The following ATP9B variants were observed in gnomAD, a reference collection of about 807,000 sequenced individuals.
ATP9B encodes probable phospholipid-transporting ATPase IIB.
ATP9B carries 110 observed loss-of-function variants against 146.1 expected under a neutral mutation model. The observed-to-expected ratio is 0.75, with a 90% confidence interval of 0.65 to 0.88. The LOEUF is 0.88. Among genes scored for constraint, ATP9B ranks in the 40% least tolerant of loss-of-function variants. ATP9B has a pLI of 0.00. For synonymous variants in ATP9B, 604 were observed against 569.7 expected (o/e 1.06, Z -0.86); for missense variants, 1,499 against 1,496.4 (o/e 1.00, Z -0.03).
At chr18:79,206,458 A>G (rs2095534481) in intron 9 of ATP9B, among the ~76,000 whole-genome samples, 1 of 151,960 alleles carries the variant, frequency 6.6e-6, no homozygotes, top group Non-Finnish European at 1.5e-5. Flanking sequence ...CTGTGCTAAT[A>G]TTTTCTACTT....
chr18:79,269,315 G>GT (rs1270951692), intron 12 of ATP9B, among the ~76,000 whole-genome samples: 1 of 152,108 alleles, frequency 6.6e-6, no homozygotes, highest in Admixed American at 6.5e-5. Flanking sequence ...GCTTCATTTT[G>GT]TATCATCCTC....
chr18:79,238,377 C>T (rs2095860829), intron 11 of ATP9B, among the ~76,000 whole-genome samples: 1 of 152,076 alleles, frequency 6.6e-6, no homozygotes, highest in East Asian at 1.9e-4. Context: ...TGATTGTGGG[C>T]ATCACGTCTC....
chr18:79,152,311 T>C (rs1357685173), intron 6 of ATP9B, among the ~76,000 whole-genome samples: 1 of 152,238 alleles, frequency 6.6e-6, no homozygotes, highest in Non-Finnish European at 1.5e-5. Context: ...ATTTTGTGTG[T>C]GTCTGTCTTT....
rs141891421 is a variant in ATP9B, at chr18:79,124,552, AT to A, written c.559-1714del. Among the ~76,000 whole-genome samples the A allele has an allele frequency of 3.7e-3, 562 of 152,294 alleles. 3 individuals are homozygous for A. Among genetic ancestry groups the A allele is most frequent in the South Asian group, 0.024 (117 of 4,830 alleles). Reference sequence around the variant, plus strand: ...CCTTGAGTCCAAGAGTGGCTTTAGGATACTTCTCAAAACAGTGCTTCCAACA... The same window carrying A: ...CCTTGAGTCCAAGAGTGGCTTTAGGAACTTCTCAAAACAGTGCTTCCAACA... On this transcript the variant is annotated intron_variant, in intron 4 of 29. Transcript: ENST00000426216.
chr18:79,118,026 C>A (rs2094118335), intron 4 of ATP9B: 1 of 152,188 alleles, frequency 6.6e-6, no homozygotes, highest in African/African-American at 2.4e-5. Context: ...TCCATATCAA[C>A]ACATATATCT....
In ATP9B at chr18:79,342,261, TC is replaced by T; in HGVS notation, c.2284-4del. ...GTTGAAATTCACCAGTTTAAATTGT[TC>T]CCTAGATATGGATGCTAACAGGCGA... On this transcript the variant is annotated splice_region_variant and splice_polypyrimidine_tract_variant and intron_variant, in intron 19 of 29. Transcript: ENST00000426216. 6.2e-7 allele frequency: 1 copy of T among 1,605,208 alleles called. No homozygotes were observed. Among genetic ancestry groups the T allele is most frequent in the Non-Finnish European group, 8.5e-7 (1 of 1,172,316 alleles).
chr18:79,342,587 T>C (rs1185194920), intron 20 of ATP9B, among the ~76,000 whole-genome samples: 2 of 150,756 alleles, frequency 1.3e-5, no homozygotes, highest in African/African-American at 4.9e-5. Context: ...TTAAGTATAA[T>C]AATAAAAAAT....
chr18:79,216,842 T>C (rs2095631344), intron 11 of ATP9B, among the ~76,000 whole-genome samples: 1 of 152,254 alleles, frequency 6.6e-6, no homozygotes, highest in South Asian at 2.1e-4. Flanking sequence ...CTGCTTACCA[T>C]GTTAGCTTTT....
At chr18:79,126,061 T>G (rs564614138) in intron 4 of ATP9B, among the ~76,000 whole-genome samples, 1 of 152,296 alleles carries the variant, frequency 6.6e-6, no homozygotes, top group African/African-American at 2.4e-5. Context: ...ATTAAAAATT[T>G]GGGGAGTATA....
chr18:79,351,352 T>C (rs142631351), intron 25 of ATP9B, among the ~76,000 whole-genome samples: 3 of 152,316 alleles, frequency 2.0e-5, no homozygotes, highest in South Asian at 4.1e-4. Context: ...TTCTTTATAA[T>C]GGGCTTCATG....
At chr18:79,369,796 T>C (rs1240464696) in intron 26 of ATP9B, among the ~76,000 whole-genome samples, 2 of 152,000 alleles carry the variant, frequency 1.3e-5, no homozygotes, top group Non-Finnish European at 2.9e-5. Flanking sequence ...GGTTAATCTT[T>C]CCTTAAAATT....
Position 79,337,071 on chromosome 18 carries a change from CGG to C in ATP9B, c.2113-207_2113-206del, listed in dbSNP as rs200025143. On this transcript the variant is annotated intron_variant, in intron 18 of 29. Transcript: ENST00000426216. Reference sequence around the variant, plus strand: ...TGTCCAGCTCTGTGGAGTACACACACGGAGCACGTACACGTGTGCACACAGGC... The same window carrying C: ...TGTCCAGCTCTGTGGAGTACACACACAGCACGTACACGTGTGCACACAGGC... Among the ~76,000 whole-genome samples, 368 of 144,804 alleles carry C rather than the reference CGG, an allele frequency of 2.5e-3. 1 individual carries two copies. Among genetic ancestry groups the C allele is most frequent in the South Asian group, 7.2e-3 (32 of 4,466 alleles). 95.0% of individuals were successfully genotyped at this position (144,804 alleles called of 152,430 possible). A position where few individuals can be genotyped will look rare whatever the true frequency, so the allele number is the denominator to read the frequency against.
At chr18:79,375,764 G>T (rs1246870368) in intron 29 of ATP9B, 1 of 985,290 alleles carries the variant, frequency 1.0e-6, no homozygotes. Context: ...CAGAAAATGA[G>T]TACACACAAA....
At chr18:79,337,637 C>T (rs1169010346) in intron 19 of ATP9B, among the ~76,000 whole-genome samples, 188 bp downstream of exon 19, 11 of 152,184 alleles carry the variant, frequency 7.2e-5, no homozygotes, top group Admixed American at 5.2e-4. Flanking sequence ...CAAATCCCCA[C>T]GCCACCCCTA....
At chr18:79,173,661 T>G in intron 7 of ATP9B, 1 of 454,566 alleles carries the variant, frequency 2.2e-6, no homozygotes, top group African/African-American at 2.0e-5. Context: ...TCTGGGTTCT[T>G]TATTTTGTTC....
Position 79,172,155 on chromosome 18 carries a change from G to A in ATP9B, c.779-4658G>A, listed in dbSNP as rs368305862. Among the ~76,000 whole-genome samples, 33 of 150,138 alleles carry A rather than the reference G, an allele frequency of 2.2e-4. 3 individuals are homozygous for A. Among genetic ancestry groups the A allele is most frequent in the Admixed American group, 1.1e-3 (17 of 15,222 alleles). On this transcript the variant is annotated intron_variant, in intron 7 of 29. Coordinates refer to ENST00000426216, the MANE Select transcript of ATP9B (RefSeq NM_198531.5). Reference sequence around the variant, plus strand: ...GCCCACCTCAAACTCCTGACCTTGCGATCTGCCTTGGCCTCCCAAGGTGCT... The same window carrying A: ...GCCCACCTCAAACTCCTGACCTTGCAATCTGCCTTGGCCTCCCAAGGTGCT...
intron 5 of ATP9B, among the ~76,000 whole-genome samples, chr18:79,142,717 C>T (rs901005512): frequency 6.6e-6 from 1 of 152,128 alleles, no homozygotes. Context: ...AGCTTCAGCC[C>T]TTATTGGCTT....
intron 26 of ATP9B, among the ~76,000 whole-genome samples, chr18:79,366,067 T>G (rs985950742): frequency 6.6e-6 from 1 of 152,272 alleles, no homozygotes; most frequent in African/African-American, 2.4e-5. Context: ...TTGTGCATTT[T>G]GCTGTGCAGC....
At chr18:79,193,126 C>A in intron 8 of ATP9B, 57 bp from the exon 9 acceptor site, 1 of 1,279,578 alleles carries the variant, frequency 7.8e-7, no homozygotes, top group Admixed American at 2.1e-5. Flanking sequence ...TGAGAAATTT[C>A]CAAGTAATTT....
Sources: allele counts gnomAD v4.1 joint callset (sites outside exome capture counted in the v4.1 genomes callset), GRCh38; gene constraint gnomAD v4.1.1; transcripts MANE v1.5; gene names NCBI Gene and HGNC (gene_info 2026-07-23, HGNC 2026-07-21).